OR1N2: variants seen among roughly 807,000 people sequenced by gnomAD.
The protein encoded by OR1N2 is olfactory receptor 1N2.
For missense variants in OR1N2, 358 were observed against 380.2 expected (o/e 0.94, Z 0.49); for synonymous variants, 152 against 149.3 (o/e 1.02, Z -0.13).
In OR1N2 at chr9:122,553,371, T is replaced by C. The variant is rs1205104902; in HGVS notation, c.160T>C (p.Ser54Pro). ...GNLLIILAIS[S>P]DPHLHTPMYF... ...CCTGCTCATTATCCTGGCCATCAGC[T>C]CTGACCCACACCTCCATACTCCCAT... is the stretch of plus-strand genomic sequence containing the variant. The change falls in exon 1 of 1, where the codon TCT becomes CCT. Residue 54 changes from serine to proline, a missense_variant. Transcript: ENST00000373688. 2 of 1,613,928 alleles carry C rather than the reference T, an allele frequency of 1.2e-6. No homozygotes were observed. The highest frequency in any genetic ancestry group is 3.3e-5 in the Admixed American group (2 of 59,980).
At position 122,553,254 on chromosome 9, in the gene OR1N2, T is replaced by C; in HGVS notation, c.43T>C (p.Phe15Leu). 2.5e-6 allele frequency: 4 copies of C among 1,613,780 alleles called. No homozygotes were observed. Among genetic ancestry groups the C allele is most frequent in the Non-Finnish European group, 3.4e-6 (4 of 1,179,714 alleles). ...AGTGAACCAAACCACTGTTTCAGAC[T>C]TCCTCCTTCTAGGACTCTCTGAGTG... ...GRVNQTTVSDFLLLGLSEWPE... is the reference protein window; with the variant it reads ...GRVNQTTVSDLLLLGLSEWPE... Residue 15 changes from phenylalanine to leucine, a missense_variant, in exon 1 of 1, where the codon TTC becomes CTC. Phe to Leu is a conservative substitution (Grantham distance 22). Transcript: ENST00000373688.
chr9:122,553,314 C>G lies in OR1N2; in HGVS notation c.103C>G (p.Leu35Val). 1 of 1,614,030 alleles carries G rather than the reference C, an allele frequency of 6.2e-7. No individual in the cohort carries two copies. Among genetic ancestry groups the G allele is most frequent in the East Asian group, 2.2e-5 (1 of 44,852 alleles). The change falls in exon 1 of 1, where the codon CTT (leucine) becomes GTT (valine). Residue 35 changes from leucine to valine, a missense_variant. Physicochemically the swap from Leu to Val is conservative, Grantham distance 32. Transcript: ENST00000373688. ...GCAGCCTCTTCTGTTTGGCATCTTCCTTGGCATGTACCTGGTCACCATGGT... is the reference window on the plus strand; with the variant it reads ...GCAGCCTCTTCTGTTTGGCATCTTCGTTGGCATGTACCTGGTCACCATGGT... ...EEQPLLFGIF[L>V]GMYLVTMVGN...
rs1442723564 is a variant in OR1N2, at chr9:122,553,922, A to T, written c.711A>T (p.Arg237Ser). 6.2e-7 allele frequency: 1 copy of T among 1,613,608 alleles called. No homozygotes were observed. Among genetic ancestry groups the T allele is most frequent in the South Asian group, 1.1e-5 (1 of 91,008 alleles). Residue 237 changes from arginine to serine, a missense_variant, in exon 1 of 1, where the codon AGA (arginine) becomes AGT (serine). Arg to Ser is a moderately radical substitution (Grantham distance 110). Coordinates refer to ENST00000373688, the MANE Select transcript of OR1N2 (RefSeq NM_001004457.2). ...AVFVISSPGGRWKAFSTCGSH... is the reference protein window; with the variant it reads ...AVFVISSPGGSWKAFSTCGSH... Reference sequence around the variant, plus strand: ...TTGTCATCTCATCTCCTGGAGGGAGATGGAAGGCCTTCTCTACCTGTGGTT... The same window carrying T: ...TTGTCATCTCATCTCCTGGAGGGAGTTGGAAGGCCTTCTCTACCTGTGGTT...
Position 122,553,115 on chromosome 9 carries a change from T to G in OR1N2, c.-97T>G. The G allele has an allele frequency of 7.7e-7, 1 of 1,293,966 alleles. No homozygotes were observed. The highest frequency in any genetic ancestry group is 1.1e-6 in the Non-Finnish European group (1 of 924,588). The allele number at this position is 1,293,966 out of a possible 1,614,324, so 80.2% of individuals were successfully genotyped here. On this transcript the variant is annotated 5_prime_UTR_variant, in exon 1 of 1. Coordinates refer to ENST00000373688, the MANE Select transcript of OR1N2 (RefSeq NM_001004457.2). ...TTCTTTTCTTTTTCTCCCAGCACAG[T>G]TCTGGCCACACAGATGCATATCTGT...
rs753137548 is a variant in OR1N2 at position 122,553,188 on chromosome 9, C to T, written c.-24C>T. Reference sequence around the variant, plus strand: ...CTGACACATGGAAGGTTTTTATCTGCGCAGATCACACGAACTACAAGGGAT... The same window carrying T: ...CTGACACATGGAAGGTTTTTATCTGTGCAGATCACACGAACTACAAGGGAT... On this transcript the variant is annotated 5_prime_UTR_variant, in exon 1 of 1. Transcript: ENST00000373688. 2.4e-5 allele frequency: 38 copies of T among 1,609,492 alleles called. No individual in the cohort carries two copies. Among genetic ancestry groups the T allele is most frequent in the Middle Eastern group, 1.7e-4 (1 of 6,056 alleles).
Position 122,553,208 on chromosome 9 carries a change from A to G in OR1N2, c.-4A>G. The stretch of plus-strand genomic sequence containing the variant: ...ATCTGCGCAGATCACACGAACTACA[A>G]GGGATGGGAAAACCAGGCAGAGTGA... On this transcript the variant is annotated 5_prime_UTR_variant, in exon 1 of 1. Coordinates refer to ENST00000373688, the MANE Select transcript of OR1N2 (RefSeq NM_001004457.2). 1 of 1,613,370 alleles carries G rather than the reference A, an allele frequency of 6.2e-7. No individual in the cohort carries two copies. The highest frequency in any genetic ancestry group is 8.5e-7 in the Non-Finnish European group (1 of 1,179,530).
At position 122,554,016 on chromosome 9, in the gene OR1N2, T is replaced by G. The variant is rs777943005; in HGVS notation, c.805T>G (p.Tyr269Asp). Residue 269 changes from tyrosine (Y) to aspartate (D), a missense_variant, in exon 1 of 1, where the codon TAC (tyrosine) becomes GAC (aspartate). Physicochemically the swap from Tyr to Asp is radical, Grantham distance 160. Coordinates refer to ENST00000373688, the MANE Select transcript of OR1N2 (RefSeq NM_001004457.2). ...TGTGTATTTACTTCCTCCATCAACTTACTCTACAGAGAGGGAAAGTAGGGC... is the reference window on the plus strand; with the variant it reads ...TGTGTATTTACTTCCTCCATCAACTGACTCTACAGAGAGGGAAAGTAGGGC... Reference protein sequence around the residue: ...MGVYLLPPSTYSTERESRAAV... With the variant: ...MGVYLLPPSTDSTERESRAAV... 6.2e-7 allele frequency: 1 copy of G among 1,613,882 alleles called. No individual in the cohort carries two copies. The highest frequency in any genetic ancestry group is 1.7e-5 in the Admixed American group (1 of 60,010).
chr9:122,553,508 G>T lies in OR1N2; in HGVS notation c.297G>T (p.Gly99=), dbSNP rs757062123. 14 of 1,613,938 alleles carry T rather than the reference G, an allele frequency of 8.7e-6. No individual in the cohort carries two copies. The African/African-American group carries it at 1.6e-4, about 18-fold the overall frequency. Residue 99 remains glycine (G), a synonymous_variant, in exon 1 of 1, where the codon GGG becomes GGT. Transcript: ENST00000373688. ...AGAGTCAGATCATCTCGTATTCTGG[G>T]TGTCTTGCACAGCTATATTTCCTCC... is the stretch of plus-strand genomic sequence containing the variant. The part of the protein sequence containing the change: ...HTQSQIISYS[G]CLAQLYFLLM...
At position 122,553,712 on chromosome 9, in the gene OR1N2, C is replaced by T. The variant is rs142621895; in HGVS notation, c.501C>T (p.Thr167=). The T allele has an allele frequency of 4.7e-5, 76 of 1,614,020 alleles. No individual in the cohort carries two copies. The African/African-American group carries it at 8.5e-4, about 18-fold the overall frequency. Residue 167 remains threonine (T), a synonymous_variant, in exon 1 of 1, where the codon ACC becomes ACT. Coordinates refer to ENST00000373688, the MANE Select transcript of OR1N2 (RefSeq NM_001004457.2). ...CCCTGATGCACACACTGTTGCTGACCCGCGTGGCTTTCTGTGCCCAGAAAG... is the reference window on the plus strand; with the variant it reads ...CCCTGATGCACACACTGTTGCTGACTCGCGTGGCTTTCTGTGCCCAGAAAG... ...CPALMHTLLL[T]RVAFCAQKAI...
rs768993452 is a variant in OR1N2 at position 122,553,661 on chromosome 9, G to C, written c.450G>C (p.Val150=). The C allele has an allele frequency of 1.3e-5, 21 of 1,613,994 alleles. No individual in the cohort carries two copies. In the African/African-American group the frequency reaches 1.9e-4, roughly 14 times the overall value. ...AGCTCTGTGCACTAATGCTGGGTGT[G>C]TGCTGGGTGCTAACCAACTGTCCTG... The part of the protein sequence containing the change: ...SPQLCALMLG[V]CWVLTNCPAL... Residue 150 remains valine (V), a synonymous_variant, in exon 1 of 1, where the codon GTG becomes GTC. Transcript: ENST00000373688.
At position 122,553,377 on chromosome 9, in the gene OR1N2, C is replaced by A. The variant is rs1243357939; in HGVS notation, c.166C>A (p.Pro56Thr). 3 of 1,614,058 alleles carry A rather than the reference C, an allele frequency of 1.9e-6. No individual in the cohort carries two copies. Among genetic ancestry groups the A allele is most frequent in the South Asian group, 2.2e-5 (2 of 91,064 alleles). ...LLIILAISSD[P>T]HLHTPMYFFL... ...CATTATCCTGGCCATCAGCTCTGAC[C>A]CACACCTCCATACTCCCATGTACTT... Residue 56 changes from proline to threonine, a missense_variant, in exon 1 of 1, where the codon CCA becomes ACA. Transcript: ENST00000373688.
Position 122,553,686 on chromosome 9 carries a change from G to T in OR1N2, c.475G>T (p.Ala159Ser). The T allele has an allele frequency of 6.2e-7, 1 of 1,614,082 alleles. No individual in the cohort carries two copies. ...GTGCTGGGTGCTAACCAACTGTCCTGCCCTGATGCACACACTGTTGCTGAC... is the reference window on the plus strand; with the variant it reads ...GTGCTGGGTGCTAACCAACTGTCCTTCCCTGATGCACACACTGTTGCTGAC... ...GVCWVLTNCP[A>S]LMHTLLLTRV... Residue 159 changes from alanine to serine, a missense_variant, in exon 1 of 1, where the codon GCC becomes TCC. Ala to Ser is a moderately conservative substitution (Grantham distance 99). Coordinates refer to ENST00000373688, the MANE Select transcript of OR1N2 (RefSeq NM_001004457.2).
At position 122,553,316 on chromosome 9, in the gene OR1N2, T is replaced by C. The variant is rs142162954; in HGVS notation, c.105T>C (p.Leu35=). ...EEQPLLFGIF[L]GMYLVTMVGN... The stretch of plus-strand genomic sequence containing the variant: ...AGCCTCTTCTGTTTGGCATCTTCCT[T>C]GGCATGTACCTGGTCACCATGGTGG... Residue 35 remains leucine (L), a synonymous_variant, in exon 1 of 1, where the codon CTT becomes CTC. Coordinates refer to ENST00000373688, the MANE Select transcript of OR1N2 (RefSeq NM_001004457.2). The C allele has an allele frequency of 6.2e-7, 1 of 1,614,052 alleles. No homozygotes were observed. Among genetic ancestry groups the C allele is most frequent in the Non-Finnish European group, 8.5e-7 (1 of 1,179,982 alleles).
chr9:122,554,108 C>T lies in OR1N2; in HGVS notation c.897C>T (p.Asp299=). The T allele has an allele frequency of 6.2e-7, 1 of 1,613,636 alleles. No individual in the cohort carries two copies. Residue 299 remains aspartate (D), a synonymous_variant, in exon 1 of 1, where the codon GAC becomes GAT. Transcript: ENST00000373688. ...NPFIYSLRNR[D]MKEALGKLFV... Reference sequence around the variant, plus strand: ...TCATTTATAGCTTGAGGAACAGAGACATGAAGGAGGCTTTGGGTAAACTTT... The same window carrying T: ...TCATTTATAGCTTGAGGAACAGAGATATGAAGGAGGCTTTGGGTAAACTTT...
Position 122,553,781 on chromosome 9 carries a change from T to C in OR1N2, c.570T>C (p.Leu190=). The C allele has an allele frequency of 6.2e-7, 1 of 1,614,086 alleles. No individual in the cohort carries two copies. Residue 190 remains leucine (L), a synonymous_variant, in exon 1 of 1, where the codon CTT becomes CTC. Coordinates refer to ENST00000373688, the MANE Select transcript of OR1N2 (RefSeq NM_001004457.2). ...FYCDPSALLK[L]ACSDTHVNEL... is the part of the protein sequence containing the mutation. ...GTGATCCTAGTGCTCTCCTGAAGCT[T>C]GCCTGCTCAGATACCCATGTAAACG...
chr9:122,553,847 T>C lies in OR1N2; in HGVS notation c.636T>C (p.Val212=). The change falls in exon 1 of 1, where the codon GTT becomes GTC. Residue 212 remains valine, a synonymous_variant. Transcript: ENST00000373688. ...CCATGGGCTTGCTGTTCCTCACTGT[T>C]CCCCTCCTGCTGATCGTCTTCTCCT... is the stretch of plus-strand genomic sequence containing the variant. The part of the protein sequence containing the change: ...IITMGLLFLT[V]PLLLIVFSYV... 6.2e-7 allele frequency: 1 copy of C among 1,614,014 alleles called. No individual in the cohort carries two copies. The highest frequency in any genetic ancestry group is 1.1e-5 in the South Asian group (1 of 91,062).
rs1325514095 is a variant in OR1N2 at position 122,553,161 on chromosome 9, T to C, written c.-51T>C. 1 of 1,580,302 alleles carries C rather than the reference T, an allele frequency of 6.3e-7. No individual in the cohort carries two copies. Among genetic ancestry groups the C allele is most frequent in the South Asian group, 1.2e-5 (1 of 85,852 alleles). On this transcript the variant is annotated 5_prime_UTR_variant, in exon 1 of 1. Transcript: ENST00000373688. ...TCTGTAAATTGATCTAATAAATAAA[T>C]ACTGACACATGGAAGGTTTTTATCT...
In OR1N2 at chr9:122,553,865, C is replaced by T. The variant is rs1168267023; in HGVS notation, c.654C>T (p.Val218=). ...TCACTGTTCCCCTCCTGCTGATCGT[C>T]TTCTCCTATGTCCGCATTTTCTGGG... ...LFLTVPLLLI[V]FSYVRIFWAV... Residue 218 remains valine (V), a synonymous_variant, in exon 1 of 1, where the codon GTC becomes GTT. Transcript: ENST00000373688. 1.2e-6 allele frequency: 2 copies of T among 1,614,106 alleles called. No homozygotes were observed. The highest frequency in any genetic ancestry group is 3.3e-5 in the Admixed American group (2 of 60,014).
Position 122,554,078 on chromosome 9 carries a change from C to A in OR1N2, c.867C>A (p.Asn289Lys). The change falls in exon 1 of 1, where the codon AAC (asparagine) becomes AAA (lysine). Residue 289 changes from asparagine (N) to lysine (K), a missense_variant. Coordinates refer to ENST00000373688, the MANE Select transcript of OR1N2 (RefSeq NM_001004457.2). ...VLYMVIIPTL[N>K]PFIYSLRNRD... ...ATATGGTGATTATTCCCACGCTAAACCCATTCATTTATAGCTTGAGGAACA... is the reference window on the plus strand; with the variant it reads ...ATATGGTGATTATTCCCACGCTAAAACCATTCATTTATAGCTTGAGGAACA... 1.9e-6 allele frequency: 3 copies of A among 1,613,228 alleles called. No individual in the cohort carries two copies. The highest frequency in any genetic ancestry group is 2.5e-6 in the Non-Finnish European group (3 of 1,179,292).
Sources: allele counts gnomAD v4.1 joint callset, GRCh38; gene constraint gnomAD v4.1.1; transcripts MANE v1.5; gene names NCBI Gene and HGNC (gene_info 2026-07-23, HGNC 2026-07-21).